PRDM5: variants seen among roughly 807,000 people sequenced by gnomAD.
PRDM5 encodes the protein PR/SET domain 5.
A neutral mutation model predicts 81.2 loss-of-function variants in PRDM5; 56 were observed. The observed-to-expected ratio is 0.69, with a 90% CI of 0.56 to 0.86. PRDM5 has a LOEUF of 0.86. Among genes scored for constraint, PRDM5 ranks in the 40% least tolerant of loss-of-function variants. PRDM5 has a pLI of 0.00. For synonymous variants in PRDM5, 267 were observed against 256.4 expected (o/e 1.04, Z -0.39); for missense variants, 697 against 770.1 (o/e 0.91, Z 1.12).
At chr4:120,844,398 T>C (rs1247156070) in intron 3 of PRDM5, among the ~76,000 whole-genome samples, 7 of 152,238 alleles carry the variant, frequency 4.6e-5, no homozygotes, top group Admixed American at 1.3e-4. Context: ...AGCTAGTTTC[T>C]TAGAGCCATT....
intron 2 of PRDM5, among the ~76,000 whole-genome samples, chr4:120,872,150 CAAAA>C (rs70948365): frequency 2.4e-4 from 10 of 41,834 alleles, no homozygotes; most frequent in African/African-American, 7.2e-4. Context: ...GACTCCATCT[CAAAA>C]AAAAAAAAAA....
At chr4:120,789,141 A>G (rs977897310) in intron 10 of PRDM5, among the ~76,000 whole-genome samples, 6 of 152,134 alleles carry the variant, frequency 3.9e-5, no homozygotes, top group Non-Finnish European at 8.8e-5. Context: ...ACATCTCCCA[A>G]TGTAACAAAT....
chr4:120,822,841 C>T (rs1755464729), intron 3 of PRDM5, among the ~76,000 whole-genome samples: 1 of 152,200 alleles, frequency 6.6e-6, no homozygotes, highest in Non-Finnish European at 1.5e-5. Context: ...ATGTGCTACA[C>T]TTAATGTATA....
At chr4:120,803,960 T>C (rs1456009653) in intron 8 of PRDM5, among the ~76,000 whole-genome samples, 3 of 152,034 alleles carry the variant, frequency 2.0e-5, no homozygotes, top group African/African-American at 7.2e-5. Context: ...AGGAGACCCA[T>C]CTCACGTGCA....
rs539308381 is a variant in PRDM5 at position 120,901,262 on chromosome 4, A to C, written c.177+6212T>G. Among the ~76,000 whole-genome samples, 11 of 152,258 alleles carry C rather than the reference A, an allele frequency of 7.2e-5. No individual in the cohort carries two copies. In the East Asian group the frequency reaches 1.7e-3, roughly 24 times the overall value. ...CCACCATGATGGCTATATTTTGAAA[A>C]CATGTTATTTATCCAGTCCACAAAA... On this transcript the variant is annotated intron_variant, in intron 2 of 15. Coordinates refer to ENST00000264808, the MANE Select transcript of PRDM5 (RefSeq NM_018699.4).
At chr4:120,739,252 C>T (rs1561035366) in intron 14 of PRDM5, among the ~76,000 whole-genome samples, 1 of 152,206 alleles carries the variant, frequency 6.6e-6, no homozygotes, top group Non-Finnish European at 1.5e-5. Flanking sequence ...CCAAGCAAGT[C>T]ATTGTGCCCA....
At chr4:120,850,307 A>G (rs894652836) in intron 3 of PRDM5, among the ~76,000 whole-genome samples, 1 of 152,188 alleles carries the variant, frequency 6.6e-6, no homozygotes, top group African/African-American at 2.4e-5. Flanking sequence ...TGCAGGAAAC[A>G]TCATGACCTT....
chr4:120,844,908 T>G (rs1016117192), intron 3 of PRDM5, among the ~76,000 whole-genome samples: 2 of 152,232 alleles, frequency 1.3e-5, no homozygotes, highest in South Asian at 2.1e-4. Context: ...ACACAAATGA[T>G]AAGGAAAGTG....
chr4:120,777,784 T>TA (rs1002534218), intron 12 of PRDM5, among the ~76,000 whole-genome samples: 35 of 152,142 alleles, frequency 2.3e-4, no homozygotes, highest in African/African-American at 7.5e-4. Flanking sequence ...ATTTGACCTT[T>TA]AAAATCACCA....
intron 15 of PRDM5, among the ~76,000 whole-genome samples, chr4:120,704,483 C>T (rs1054510523): frequency 2.6e-5 from 4 of 152,144 alleles, no homozygotes; most frequent in African/African-American, 9.7e-5. Context: ...TTACTCTAGA[C>T]TGGAGGTAAA....
At chr4:120,838,188 G>A (rs1440343342) in intron 3 of PRDM5, 1 of 152,140 alleles carries the variant, frequency 6.6e-6, no homozygotes, top group East Asian at 1.9e-4. Context: ...CCTTCTTCAT[G>A]CAGTAAAGTA....
At chr4:120,786,587 CA>C (rs1749797473) in intron 10 of PRDM5, among the ~76,000 whole-genome samples, 1 of 152,008 alleles carries the variant, frequency 6.6e-6, no homozygotes, top group South Asian at 2.1e-4. Context: ...AGATAAATTG[CA>C]AATCAATTTA....
chr4:120,809,389 T>A (rs1023277233), intron 8 of PRDM5, among the ~76,000 whole-genome samples: 2 of 149,800 alleles, frequency 1.3e-5, no homozygotes, highest in African/African-American at 4.9e-5. Context: ...ACTTAAAGTA[T>A]AATAAAAAAA....
At chr4:120,719,782 G>A (rs762656153) in intron 14 of PRDM5, among the ~76,000 whole-genome samples, 15 of 152,128 alleles carry the variant, frequency 9.9e-5, no homozygotes, top group Admixed American at 2.0e-4. Context: ...CTCTGCTTCT[G>A]TAGATTTCAC....
At chr4:120,856,177 A>G (rs1759858006) in intron 2 of PRDM5, among the ~76,000 whole-genome samples, 1 of 152,108 alleles carries the variant, frequency 6.6e-6, no homozygotes, top group Admixed American at 6.6e-5. Context: ...CCTGTCTATC[A>G]CTTTCTCACA....
At chr4:120,779,778 C>T (rs1748745474) in intron 12 of PRDM5, among the ~76,000 whole-genome samples, 1 of 152,064 alleles carries the variant, frequency 6.6e-6, no homozygotes. Flanking sequence ...TAGCAGGCAC[C>T]TATAATCCCA....
At chr4:120,861,701 G>A (rs1057393809) in intron 2 of PRDM5, among the ~76,000 whole-genome samples, 2 of 152,004 alleles carry the variant, frequency 1.3e-5, no homozygotes, top group Non-Finnish European at 2.9e-5. Context: ...AGGAGGCTGA[G>A]GCAGGAGAAT....
At chr4:120,684,690 C>T (rs1398715105), downstream of PRDM5, among the ~76,000 whole-genome samples, 1 of 151,832 alleles carries the variant, frequency 6.6e-6, no homozygotes, top group Non-Finnish European at 1.5e-5. Flanking sequence ...TATAAAATGC[C>T]TTTAATTTTA....
At chr4:120,880,893 G>T (rs1416540697) in intron 2 of PRDM5, among the ~76,000 whole-genome samples, 2 of 152,016 alleles carry the variant, frequency 1.3e-5, no homozygotes, top group African/African-American at 4.8e-5. Flanking sequence ...TATCAACTCT[G>T]GGTGTCAATG....
Sources: allele counts gnomAD v4.1 joint callset (sites outside exome capture counted in the v4.1 genomes callset), GRCh38; gene constraint gnomAD v4.1.1; transcripts MANE v1.5; gene names NCBI Gene and HGNC (gene_info 2026-07-23, HGNC 2026-07-21).